Variants in POM121C observed in about 807,000 individuals in gnomAD.
POM121C encodes nuclear envelope pore membrane protein POM 121C.
Under a neutral mutation model 66.4 loss-of-function variants are expected in POM121C, and 20 were observed. That is an observed-to-expected ratio of 0.30 (90% CI 0.21 to 0.44). The LOEUF (loss-of-function observed/expected upper bound fraction) is 0.44. Among genes scored for constraint, POM121C ranks in the 20% least tolerant of loss-of-function variants. POM121C has a pLI of 1.00. For missense variants in POM121C, 580 were observed against 1,225.7 expected, an observed-to-expected ratio of 0.47 and a Z score of 7.87; for synonymous variants, 286 against 528.0, an observed-to-expected ratio of 0.54 and a Z score of 6.28.
chr7:75,465,929 T>C (rs1244683975), intron 3 of POM121C, among the ~76,000 whole-genome samples: 1 of 112,894 alleles, frequency 8.9e-6, no homozygotes, highest in Non-Finnish European at 1.8e-5. Flanking sequence ...AAAAAAGGTG[T>C]GTGACTTTCG....
chr7:75,439,290 C>T (rs1326899158), intron 5 of POM121C, 66 bp from the exon 6 acceptor site: 2 of 1,597,206 alleles, frequency 1.3e-6, no homozygotes, highest in Non-Finnish European at 8.6e-7. Context: ...AAAGTGTATT[C>T]TCACATTTCT....
intron 3 of POM121C, among the ~76,000 whole-genome samples, chr7:75,467,208 C>A (rs190885240): frequency 1.2e-4 from 18 of 152,164 alleles, no homozygotes; most frequent in African/African-American, 2.6e-4. Context: ...TAGAGAAAAT[C>A]AAAAAATCTG....
intron 12 of POM121C, among the ~76,000 whole-genome samples, chr7:75,423,631 G>A (rs1228418336): frequency 2.0e-5 from 3 of 152,004 alleles, no homozygotes; most frequent in African/African-American, 2.4e-5. Context: ...GTGTGCGCGC[G>A]CAGTGCCGTG....
intron 5 of POM121C, among the ~76,000 whole-genome samples, chr7:75,439,744 T>G (rs1790560118): frequency 6.6e-6 from 1 of 152,198 alleles, no homozygotes. Context: ...TCTTGTCCAC[T>G]GCTCTATCCA....
chr7:75,430,529 G>A (rs1554472209), intron 7 of POM121C, among the ~76,000 whole-genome samples: 1 of 152,096 alleles, frequency 6.6e-6, no homozygotes, highest in Non-Finnish European at 1.5e-5. Flanking sequence ...TCAATTTCAG[G>A]TGGATTATGG....
intron 7 of POM121C, among the ~76,000 whole-genome samples, chr7:75,434,194 A>G (rs1790303058): frequency 6.6e-6 from 1 of 152,368 alleles, no homozygotes; most frequent in South Asian, 2.1e-4. Flanking sequence ...ATATGAACTA[A>G]GACTCACGGA....
At chr7:75,458,060 T>G (rs1278076494) in intron 3 of POM121C, among the ~76,000 whole-genome samples, 4 of 152,274 alleles carry the variant, frequency 2.6e-5, no homozygotes, top group South Asian at 2.1e-4. Context: ...TTATGTAAAA[T>G]TAAATGAGCA....
At chr7:75,467,485 A>G (rs374663659) in intron 3 of POM121C, among the ~76,000 whole-genome samples, 5 of 139,384 alleles carry the variant, frequency 3.6e-5, no homozygotes, top group Non-Finnish European at 7.6e-5. Context: ...TGAGCCGAGA[A>G]TGCGCCACTG....
intron 3 of POM121C, among the ~76,000 whole-genome samples, chr7:75,447,743 G>A (rs1383596536): frequency 1.3e-5 from 2 of 151,846 alleles, no homozygotes; most frequent in Admixed American, 6.6e-5. Context: ...CAAAAATTAG[G>A]CCAGGAGCAG....
intron 7 of POM121C, among the ~76,000 whole-genome samples, chr7:75,427,449 A>AACAAAG (rs1262658587): frequency 6.8e-6 from 1 of 147,824 alleles, no homozygotes; most frequent in African/African-American, 2.5e-5. Flanking sequence ...AGAAACAAAA[A>AACAAAG]ACAAAAACAA....
In POM121C at chr7:75,486,146, C is replaced by T. The variant is rs1792537728; in HGVS notation, c.-740G>A. The stretch of plus-strand genomic sequence containing the variant: ...AGCTCGAGCCTCTACCCGGCCCGCG[C>T]GAACCCTGGGCCGCACAGCTCCCGC... On this transcript the variant is annotated 5_prime_UTR_variant, in exon 1 of 15. Transcript: ENST00000615331. The T allele has an allele frequency of 3.0e-6, 1 of 334,836 alleles. No homozygotes were observed. Among genetic ancestry groups the T allele is most frequent in the African/African-American group, 2.3e-5 (1 of 42,756 alleles). The allele number at this position is 334,836 out of a possible 1,614,324, so 20.7% of individuals were successfully genotyped here.
At position 75,442,192 on chromosome 7, in the gene POM121C, G is replaced by A. The variant is rs587698250; in HGVS notation, c.-151-545C>T. 1.7e-4 allele frequency: 216 copies of A among 1,292,618 alleles called. 1 individual carries two copies. In the East Asian group the frequency reaches 6.1e-3, roughly 36 times the overall value. The allele number at this position is 1,292,618 out of a possible 1,614,324, so 80.1% of individuals were successfully genotyped here. A position where few individuals can be genotyped will look rare whatever the true frequency, so the allele number is the denominator to read the frequency against. Reference sequence around the variant, plus strand: ...GTCGGAGAAGAGGAGTGGGGAGAGAGGGGTAAAAGTGGTGAACGCGATGGG... The same window carrying A: ...GTCGGAGAAGAGGAGTGGGGAGAGAAGGGTAAAAGTGGTGAACGCGATGGG... On this transcript the variant is annotated intron_variant, in intron 3 of 14. Coordinates refer to ENST00000615331, the MANE Select transcript of POM121C (RefSeq NM_001099415.3).
intron 1 of POM121C, among the ~76,000 whole-genome samples, chr7:75,482,464 C>T (rs1392289129): frequency 4.6e-5 from 7 of 152,156 alleles, no homozygotes; most frequent in African/African-American, 1.4e-4. Context: ...GACACCGAGG[C>T]GGGCAGACTG....
At chr7:75,477,655 G>A (rs1426301866) in intron 1 of POM121C, among the ~76,000 whole-genome samples, 2 of 152,104 alleles carry the variant, frequency 1.3e-5, no homozygotes, top group East Asian at 1.9e-4. Context: ...CAGGCCAGGT[G>A]TGGTGGCTCA....
At chr7:75,440,422 G>T (rs1439293286) in intron 5 of POM121C, among the ~76,000 whole-genome samples, 1 of 151,676 alleles carries the variant, frequency 6.6e-6, no homozygotes, top group Non-Finnish European at 1.5e-5. Context: ...AAAAAAATTA[G>T]CTGGGCATGG....
At chr7:75,419,079 C>A (rs1255966587) in intron 14 of POM121C, among the ~76,000 whole-genome samples, 186 bp from the exon 15 acceptor site, 10 of 152,180 alleles carry the variant, frequency 6.6e-5, no homozygotes, top group Admixed American at 3.9e-4. Context: ...AGTCTCAGAG[C>A]GAGGCCCACG....
At chr7:75,439,516 G>T (rs1400152678) in intron 5 of POM121C, among the ~76,000 whole-genome samples, 1 of 152,138 alleles carries the variant, frequency 6.6e-6, no homozygotes, top group Non-Finnish European at 1.5e-5. Flanking sequence ...CTCCAGCGCA[G>T]CTGGGACTAC....
intron 7 of POM121C, among the ~76,000 whole-genome samples, chr7:75,428,165 G>A (rs1274684211): frequency 1.3e-5 from 2 of 151,846 alleles, no homozygotes; most frequent in Admixed American, 6.6e-5. Flanking sequence ...TTTTGAGACG[G>A]AGCCTTGCTC....
chr7:75,481,060 T>C (rs1250377080), intron 1 of POM121C, among the ~76,000 whole-genome samples: 3 of 147,882 alleles, frequency 2.0e-5, no homozygotes, highest in East Asian at 2.0e-4. Flanking sequence ...TATATATATA[T>C]ACACATACGT....
Sources: allele counts gnomAD v4.1 joint callset (sites outside exome capture counted in the v4.1 genomes callset), GRCh38; gene constraint gnomAD v4.1.1; transcripts MANE v1.5; gene names NCBI Gene and HGNC (gene_info 2026-07-23, HGNC 2026-07-21).